Variants in NAV2 observed in about 807,000 individuals in gnomAD.
NAV2 encodes the protein helicase, APC down-regulated 1.
Under a neutral mutation model 223.2 loss-of-function variants are expected in NAV2, and 54 were observed. The ratio of observed to expected loss-of-function variants is 0.24; its 90% CI spans 0.19 to 0.30. The LOEUF is 0.30. NAV2 is among the 10% of genes least tolerant of loss of function. The pLI is 1.00. For synonymous variants in NAV2, 1,279 were observed against 1,239.3 expected (o/e 1.03, Z -0.67); for missense variants, 2,806 against 3,147.5 (o/e 0.89, Z 2.60).
chr11:19,720,874 A>T (rs532181289), intron 1 of NAV2, among the ~76,000 whole-genome samples: 71 of 152,250 alleles, frequency 4.7e-4, no homozygotes, highest in African/African-American at 1.5e-3. Context: ...AACAAATCAC[A>T]TTTTCTTTCT....
intron 1 of NAV2, among the ~76,000 whole-genome samples, chr11:19,403,411 G>T (rs1470255103): frequency 6.6e-6 from 1 of 152,180 alleles, no homozygotes; most frequent in Non-Finnish European, 1.5e-5. Flanking sequence ...TGGGTTCAAG[G>T]TAGGAAGACA....
intron 34 of NAV2, 78 bp downstream of exon 34, chr11:20,103,802 C>T (rs945415673): frequency 1.6e-6 from 2 of 1,267,870 alleles, no homozygotes; most frequent in South Asian, 1.2e-5. Flanking sequence ...GTAGAGATGC[C>T]TGTGTTGAGT....
intron 1 of NAV2, among the ~76,000 whole-genome samples, chr11:19,827,240 A>G (rs117937483): frequency 0.033 from 5,086 of 152,162 alleles, 96 homozygotes; most frequent in South Asian, 0.08. Context: ...TCCTTATAAC[A>G]TAGACTGGCA....
At chr11:20,109,204 A>T (rs1417510770) in intron 36 of NAV2, among the ~76,000 whole-genome samples, 1 of 152,262 alleles carries the variant, frequency 6.6e-6, no homozygotes, top group African/African-American at 2.4e-5. Context: ...TGAAAAGGAA[A>T]GTATTTTGCC....
chr11:20,001,050 C>G (rs2052491871), intron 11 of NAV2, among the ~76,000 whole-genome samples: 1 of 152,172 alleles, frequency 6.6e-6, no homozygotes, highest in South Asian at 2.1e-4. Context: ...AGAGATGACC[C>G]TCCAGCCTTG....
At chr11:19,397,534 T>C (rs1849510365) in intron 1 of NAV2, among the ~76,000 whole-genome samples, 1 of 152,180 alleles carries the variant, frequency 6.6e-6, no homozygotes, top group Non-Finnish European at 1.5e-5. Context: ...CATGTGTTTA[T>C]GGATAAGCTG....
At chr11:19,626,931 T>C (rs143243499) in intron 1 of NAV2, among the ~76,000 whole-genome samples, 1 of 152,284 alleles carries the variant, frequency 6.6e-6, no homozygotes, top group East Asian at 1.9e-4. Context: ...CATAATATAG[T>C]TATGGAGATT....
chr11:19,601,199 A>C (rs1001999768), intron 1 of NAV2, among the ~76,000 whole-genome samples: 4 of 152,178 alleles, frequency 2.6e-5, no homozygotes, highest in Admixed American at 6.5e-5. Context: ...CCTGCCTGCA[A>C]ACTTCTGCTC....
At chr11:20,047,501 C>T (rs2057560843) in intron 14 of NAV2, among the ~76,000 whole-genome samples, 1 of 151,762 alleles carries the variant, frequency 6.6e-6, no homozygotes, top group Non-Finnish European at 1.5e-5. Flanking sequence ...ATGCAAAAGT[C>T]AGAAAAAAAA....
chr11:20,044,146 G>A lies in NAV2; in HGVS notation c.3073G>A (p.Gly1025Ser), dbSNP rs1191813590. The part of the protein sequence containing the change: ...VSDESDKSTS[G>S]KKNPVISQTG... ...TGACGAGTCCGACAAAAGCACGTCG[G>A]GCAAGAAGAATCCTGTCATCTCCCA... Residue 1025 changes from glycine (G) to serine (S), a missense_variant, in exon 13 of 38, where the codon GGC (glycine) becomes AGC (serine). This residue lies in a region of NAV2 where 742 missense variants were observed against 777.9 expected (regional missense o/e 0.95). Transcript: ENST00000349880. 6.2e-7 allele frequency: 1 copy of A among 1,614,048 alleles called. No individual in the cohort carries two copies. The highest frequency in any genetic ancestry group is 1.7e-5 in the Admixed American group (1 of 60,004).
chr11:19,496,149 T>G (rs1362296294), intron 1 of NAV2, among the ~76,000 whole-genome samples: 1 of 152,246 alleles, frequency 6.6e-6, no homozygotes, highest in Non-Finnish European at 1.5e-5. Context: ...ACAAAGTGAC[T>G]ATTTTTCTCA....
chr11:20,008,194 C>T lies in NAV2; in HGVS notation c.2768+23947C>T, dbSNP rs1322625856. On this transcript the variant is annotated intron_variant, in intron 11 of 37. Transcript: ENST00000349880. ...CCGGCCTGGCCAACATGGTGAAACC[C>T]CATCTCTACTAAAAACACAAAAATT... 3.3e-5 allele frequency among the ~76,000 whole-genome samples: 5 copies of T among 152,210 alleles called. No homozygotes were observed. In the East Asian group the frequency reaches 9.7e-4, roughly 29 times the overall value.
At chr11:19,966,519 C>A (rs949105792) in intron 10 of NAV2, among the ~76,000 whole-genome samples, 1 of 152,196 alleles carries the variant, frequency 6.6e-6, no homozygotes, top group Non-Finnish European at 1.5e-5. Context: ...ACTGACCACC[C>A]GTCCTCTCCC....
chr11:19,869,857 C>G (rs1442223490), intron 4 of NAV2, among the ~76,000 whole-genome samples: 1 of 152,190 alleles, frequency 6.6e-6, no homozygotes, highest in Non-Finnish European at 1.5e-5. Flanking sequence ...AGGAAGGAAA[C>G]AGCCAAATTG....
intron 1 of NAV2, among the ~76,000 whole-genome samples, chr11:19,609,312 C>G (rs997380505): frequency 3.3e-5 from 5 of 151,482 alleles, no homozygotes; most frequent in Non-Finnish European, 7.4e-5. Flanking sequence ...AAAATTGAAA[C>G]AAAAATTGAA....
At chr11:19,375,416 A>G (rs960862904) in intron 1 of NAV2, among the ~76,000 whole-genome samples, 2 of 152,174 alleles carry the variant, frequency 1.3e-5, no homozygotes, top group African/African-American at 4.8e-5. Flanking sequence ...CCCTTCTCCT[A>G]CAATCTAGCA....
chr11:19,919,300 A>G (rs1257698176), intron 6 of NAV2, among the ~76,000 whole-genome samples: 1 of 151,104 alleles, frequency 6.6e-6, no homozygotes, highest in Admixed American at 6.6e-5. Flanking sequence ...TCTCGTAGCC[A>G]TGCACGTGGG....
chr11:19,396,714 C>G (rs555007650), intron 1 of NAV2, among the ~76,000 whole-genome samples: 3 of 152,102 alleles, frequency 2.0e-5, no homozygotes, highest in African/African-American at 4.8e-5. Context: ...TGGAGTGGTC[C>G]GTGGGGCCTC....
chr11:19,565,977 A>G (rs2045253790), intron 1 of NAV2, among the ~76,000 whole-genome samples: 1 of 152,182 alleles, frequency 6.6e-6, no homozygotes, highest in East Asian at 1.9e-4. Flanking sequence ...AATGTCAGCA[A>G]CCTATGGATA....
Sources: allele counts gnomAD v4.1 joint callset (sites outside exome capture counted in the v4.1 genomes callset), GRCh38; gene constraint gnomAD v4.1.1; regional missense constraint gnomAD v4.1.1; transcripts MANE v1.5; gene names NCBI Gene and HGNC (gene_info 2026-07-23, HGNC 2026-07-21).